Variants in SMS observed in about 807,000 individuals in gnomAD.
SMS encodes the protein spermine synthase.
Under a neutral mutation model 33.0 loss-of-function variants are expected in SMS, and 3 were observed. The observed-to-expected ratio is 0.09, with a 90% CI of 0.04 to 0.23. The LOEUF (loss-of-function observed/expected upper bound fraction) is 0.23, where lower values mean the gene tolerates loss of function less well. SMS is among the 10% of genes least tolerant of loss of function. SMS has a pLI of 1.00. For missense variants in SMS, 117 were observed against 288.6 expected (o/e 0.41, Z 4.31); for synonymous variants, 103 against 112.2 (o/e 0.92, Z 0.52).
In SMS at chrX:21,958,165, T is replaced by C. The variant is rs1314411742; in HGVS notation, c.50-9031T>C. On this transcript the variant is annotated intron_variant, in intron 1 of 10. Coordinates refer to ENST00000404933, the MANE Select transcript of SMS (RefSeq NM_004595.5). Reference sequence around the variant, plus strand: ...TTTTGTTGCATTTGCTTTTGGGTTCTTGGTCATGAATTCTTTGCCTAAGCC... The same window carrying C: ...TTTTGTTGCATTTGCTTTTGGGTTCCTGGTCATGAATTCTTTGCCTAAGCC... Among the ~76,000 whole-genome samples the C allele has an allele frequency of 2.7e-5, 3 of 112,391 alleles. No homozygotes were observed. The Admixed American group carries it at 2.8e-4, about 11-fold the overall frequency.
chrX:21,977,232 T>C lies in SMS; in HGVS notation c.501T>C (p.Asp167=), dbSNP rs1244188661. 1 of 1,198,123 alleles carries C rather than the reference T, an allele frequency of 8.3e-7. No homozygotes were observed. Among genetic ancestry groups the C allele is most frequent in the South Asian group, 1.8e-5 (1 of 56,693 alleles). ...QFGNILILSG[D]VNLAESDLAY... ...GAAATATTCTCATCCTTAGTGGGGA[T>C]GTTAGTAAGTATTCCATCCCTGCCC... is the stretch of plus-strand genomic sequence containing the variant. The change falls in exon 5 of 11, where the codon GAT becomes GAC. Residue 167 remains aspartate (D), a synonymous_variant. Coordinates refer to ENST00000404933, the MANE Select transcript of SMS (RefSeq NM_004595.5).
chrX:21,977,934 C>T (rs774999927), intron 5 of SMS, 26 bp from the exon 6 acceptor site: 7 of 1,203,746 alleles, frequency 5.8e-6, no homozygotes, highest in Non-Finnish European at 7.9e-6. Context: ...GTAGACTCAC[C>T]ATTTGGATCT....
chrX:21,973,551 G>C (rs1009704497), intron 4 of SMS, among the ~76,000 whole-genome samples: 2 of 112,854 alleles, frequency 1.8e-5, no homozygotes, highest in South Asian at 3.6e-4. Context: ...AGAGACTTCC[G>C]ACAGGGTGGG....
chrX:21,986,812 A>G (rs1209400407), intron 9 of SMS, among the ~76,000 whole-genome samples: 1 of 111,861 alleles, frequency 8.9e-6, no homozygotes, highest in East Asian at 2.8e-4. Context: ...TTTATTACAT[A>G]GTGTCTGTGG....
At chrX:21,950,122 C>T (rs992117787) in intron 1 of SMS, among the ~76,000 whole-genome samples, 1 of 111,572 alleles carries the variant, frequency 9.0e-6, no homozygotes, top group African/African-American at 3.3e-5. Context: ...AGACTGATTT[C>T]GAGCTCCTGG....
intron 2 of SMS, among the ~76,000 whole-genome samples, chrX:21,967,902 C>T (rs1923857048): frequency 8.9e-6 from 1 of 112,301 alleles, no homozygotes; most frequent in Non-Finnish European, 1.9e-5. Context: ...AACTCAGCCT[C>T]TTAAGTCCCT....
At chrX:21,973,126 A>G (rs1319006110) in intron 4 of SMS, among the ~76,000 whole-genome samples, 2 of 111,369 alleles carry the variant, frequency 1.8e-5, no homozygotes, top group Admixed American at 9.5e-5. Context: ...AAACTAAGGC[A>G]GAAAGGGGAT....
intron 9 of SMS, among the ~76,000 whole-genome samples, chrX:21,987,468 A>G (rs1925428997): frequency 8.9e-6 from 1 of 112,055 alleles, no homozygotes. Flanking sequence ...AAGTGCTGGG[A>G]TTTCAGGCAT....
chrX:21,975,126 G>A (rs756759046), intron 4 of SMS, among the ~76,000 whole-genome samples: 1 of 111,054 alleles, frequency 9.0e-6, no homozygotes, highest in Admixed American at 9.5e-5. Context: ...TAAGGCCTGG[G>A]CTATAATCTA....
chrX:21,942,039 C>T (rs950268963), intron 1 of SMS, among the ~76,000 whole-genome samples: 2 of 107,114 alleles, frequency 1.9e-5, no homozygotes, highest in Non-Finnish European at 3.8e-5. Flanking sequence ...GGGTGGGAGT[C>T]GCGGGAAGGA....
intron 10 of SMS, among the ~76,000 whole-genome samples, chrX:21,993,099 C>T (rs1292716917): frequency 8.9e-6 from 1 of 112,007 alleles, no homozygotes; most frequent in Non-Finnish European, 1.9e-5. Flanking sequence ...GAGGTGGGGG[C>T]CCAGTGACCT....
At chrX:21,981,455 A>T (rs769633252) in intron 7 of SMS, among the ~76,000 whole-genome samples, 22 of 112,076 alleles carry the variant, frequency 2.0e-4, no homozygotes, top group African/African-American at 6.8e-4. Flanking sequence ...ACCCAAGAAA[A>T]CTTGAAAAAA....
At chrX:21,948,503 A>G (rs189184781) in intron 1 of SMS, among the ~76,000 whole-genome samples, 79 of 100,050 alleles carry the variant, frequency 7.9e-4, no homozygotes, top group African/African-American at 3.0e-3. Flanking sequence ...CCAATTGGGA[A>G]TCTTCTCATC....
rs1183597255 is a variant in SMS, at chrX:21,983,525, A to G, written c.751-779A>G. On this transcript the variant is annotated intron_variant, in intron 7 of 10. Transcript: ENST00000404933. ...TACTTCAAAGATACAGCCAACCTCA[A>G]ACTTCTTTTCTGTGTTAACTATATA... Among the ~76,000 whole-genome samples the G allele has an allele frequency of 2.7e-5, 3 of 111,602 alleles. No homozygotes were observed. In the Admixed American group the frequency reaches 2.9e-4, roughly 11 times the overall value.
chrX:21,973,311 C>G (rs374898241), intron 4 of SMS, among the ~76,000 whole-genome samples: 102 of 112,356 alleles, frequency 9.1e-4, no homozygotes, highest in African/African-American at 3.0e-3. Context: ...GTGGTACGTG[C>G]TTGTAATCCC....
intron 1 of SMS, among the ~76,000 whole-genome samples, chrX:21,941,884 CAAAAAAAAAAAAAAAAAAAAAAA>C (rs760394146): frequency 1.0e-3 from 20 of 19,563 alleles, no homozygotes; most frequent in South Asian, 5.0e-3. Flanking sequence ...GACCCTGTCT[CAAAAAAAAAAAAAAAAAAAAAAA>C]AAAAAAAAAA....
chrX:21,990,837 A>G (rs1161911342), intron 9 of SMS, among the ~76,000 whole-genome samples: 1 of 112,748 alleles, frequency 8.9e-6, no homozygotes, highest in Admixed American at 9.4e-5. Context: ...TGAATCTTAA[A>G]TTACACGTGT....
chrX:21,970,005 G>A (rs1371864981), intron 2 of SMS, among the ~76,000 whole-genome samples: 2 of 113,172 alleles, frequency 1.8e-5, no homozygotes, highest in Admixed American at 1.8e-4. Flanking sequence ...TAGAGACGTG[G>A]TTTCACCACG....
intron 9 of SMS, among the ~76,000 whole-genome samples, chrX:21,990,265 A>G (rs1006132285): frequency 8.9e-6 from 1 of 112,336 alleles, no homozygotes; most frequent in African/African-American, 3.2e-5. Flanking sequence ...ACAGCGCTGT[A>G]CTTCAGCCTG....
Sources: gnomAD v4.1 joint callset for allele counts (sites outside exome capture counted in the v4.1 genomes callset) on GRCh38, gnomAD v4.1.1 for gene constraint, MANE v1.5 for transcripts, NCBI Gene and HGNC (gene_info 2026-07-23, HGNC 2026-07-21) for gene names.